SCAPER: variants seen among roughly 807,000 people sequenced by gnomAD.
SCAPER encodes S-phase cyclin A associated protein in the ER, also known as S phase cyclin A-associated protein in the endoplasmic reticulum.
In SCAPER, 98 loss-of-function variants were observed where a neutral mutation model predicts 182.2. The observed-to-expected ratio is 0.54, with a 90% confidence interval of 0.46 to 0.64. The LOEUF (loss-of-function observed/expected upper bound fraction) is 0.64, where lower values mean the gene tolerates loss of function less well. SCAPER is among the 30% of genes least tolerant of loss of function. The pLI is 0.00. For synonymous variants in SCAPER, 605 were observed against 564.6 expected, an observed-to-expected ratio of 1.07 and a Z score of -1.01; for missense variants, 1,432 against 1,690.0, an observed-to-expected ratio of 0.85 and a Z score of 2.68.
chr15:76,638,365 T>C (rs1272730994), intron 21 of SCAPER, among the ~76,000 whole-genome samples: 2 of 152,186 alleles, frequency 1.3e-5, no homozygotes, highest in Non-Finnish European at 1.5e-5. Context: ...TCCCCCTCAA[T>C]CTTATCAAAT....
chr15:76,548,395 G>A (rs193171046), intron 23 of SCAPER, among the ~76,000 whole-genome samples: 44 of 152,150 alleles, frequency 2.9e-4, no homozygotes, highest in Admixed American at 1.4e-3. Context: ...TGACATTTTC[G>A]GCGATTAGGA....
chr15:76,695,325 G>A (rs1375558628), intron 20 of SCAPER, among the ~76,000 whole-genome samples: 1 of 152,188 alleles, frequency 6.6e-6, no homozygotes, highest in Non-Finnish European at 1.5e-5. Flanking sequence ...GCCAGGCACA[G>A]TGGCTCATAC....
chr15:76,850,468 C>G (rs912867742), intron 4 of SCAPER, among the ~76,000 whole-genome samples: 1 of 152,166 alleles, frequency 6.6e-6, no homozygotes, highest in Admixed American at 6.5e-5. Context: ...AGAACCAATG[C>G]AAGAACTCCA....
chr15:76,504,992 C>T lies in SCAPER; in HGVS notation c.2839-18G>A, dbSNP rs755588619. On this transcript the variant is annotated intron_variant, in intron 23 of 31. Transcript: ENST00000563290. ...GCCACATTCTAGACAGAAATACAAACAGAAGTTAGCCCAATTTCCCAGGCA... is the reference window on the plus strand; with the variant it reads ...GCCACATTCTAGACAGAAATACAAATAGAAGTTAGCCCAATTTCCCAGGCA... The T allele has an allele frequency of 4.4e-6, 7 of 1,592,166 alleles. No homozygotes were observed. The highest frequency in any genetic ancestry group is 5.1e-6 in the Non-Finnish European group (6 of 1,165,302).
intron 24 of SCAPER, among the ~76,000 whole-genome samples, chr15:76,499,259 T>C (rs1212033642): frequency 1.3e-5 from 2 of 152,218 alleles, no homozygotes; most frequent in Admixed American, 6.5e-5. Flanking sequence ...GCTAAACTGA[T>C]GATGGAGGGT....
chr15:76,727,272 T>G (rs931371659), intron 17 of SCAPER, among the ~76,000 whole-genome samples: 2 of 152,062 alleles, frequency 1.3e-5, no homozygotes, highest in Non-Finnish European at 2.9e-5. Context: ...AGCAAGCTGA[T>G]TCTAAAACTA....
At chr15:76,712,705 G>A (rs1352600760) in intron 17 of SCAPER, among the ~76,000 whole-genome samples, 1 of 152,044 alleles carries the variant, frequency 6.6e-6, no homozygotes, top group Non-Finnish European at 1.5e-5. Flanking sequence ...AAGCAATTGT[G>A]AATGGGAGTT....
intron 24 of SCAPER, among the ~76,000 whole-genome samples, chr15:76,497,287 T>G (rs2040653148): frequency 6.6e-6 from 1 of 151,986 alleles, no homozygotes; most frequent in Admixed American, 6.6e-5. Context: ...AGAAAGAAAC[T>G]TGACTGAGCC....
At position 76,577,932 on chromosome 15, in the gene SCAPER, GA is replaced by G. The variant is rs1409767142; in HGVS notation, c.2712-3649del. Among the ~76,000 whole-genome samples, 11 of 152,130 alleles carry G rather than the reference GA, an allele frequency of 7.2e-5. No homozygotes were observed. In the East Asian group the frequency reaches 2.1e-3, roughly 29 times the overall value. On this transcript the variant is annotated intron_variant, in intron 22 of 31. Transcript: ENST00000563290. ...CCCTGATTCCAGGCCTTGGCTCTTG[GA>G]TGGTATTTCTGCACCTGAACTGGGC... is the stretch of plus-strand genomic sequence containing the variant.
At chr15:76,603,184 C>G (rs1391068912) in intron 22 of SCAPER, among the ~76,000 whole-genome samples, 2 of 119,116 alleles carry the variant, frequency 1.7e-5, no homozygotes, top group South Asian at 2.6e-4. Context: ...ATCCCTCCCC[C>G]TTCCTCCCAC....
At chr15:76,754,212 A>G (rs2062269643) in intron 14 of SCAPER, among the ~76,000 whole-genome samples, 1 of 152,054 alleles carries the variant, frequency 6.6e-6, no homozygotes, top group African/African-American at 2.4e-5. Context: ...TAAAAATAAC[A>G]TTACCTAACT....
chr15:76,632,111 C>T (rs535009290), intron 21 of SCAPER, among the ~76,000 whole-genome samples: 18 of 152,244 alleles, frequency 1.2e-4, no homozygotes, highest in Middle Eastern at 3.4e-3. Flanking sequence ...GTGACGTTCT[C>T]GTGTTGTGTT....
chr15:76,812,742 TAAG>T (rs1256666901), intron 5 of SCAPER, among the ~76,000 whole-genome samples: 1 of 151,896 alleles, frequency 6.6e-6, no homozygotes, highest in Non-Finnish European at 1.5e-5. Flanking sequence ...AAAGCTGAAT[TAAG>T]AAGAAACAGA....
chr15:76,786,234 G>A (rs1433056971), intron 8 of SCAPER, among the ~76,000 whole-genome samples: 1 of 150,644 alleles, frequency 6.6e-6, no homozygotes, highest in East Asian at 2.0e-4. Flanking sequence ...GGCTGAGGCA[G>A]GAGAATCACT....
At chr15:76,491,202 GTT>G (rs1425199014) in intron 24 of SCAPER, among the ~76,000 whole-genome samples, 3 of 152,230 alleles carry the variant, frequency 2.0e-5, no homozygotes, top group African/African-American at 7.2e-5. Context: ...GTACAATACT[GTT>G]TCAATTACTG....
intron 26 of SCAPER, among the ~76,000 whole-genome samples, chr15:76,424,212 G>A (rs1226284484): frequency 6.6e-6 from 1 of 152,132 alleles, no homozygotes; most frequent in Non-Finnish European, 1.5e-5. Flanking sequence ...AATGTTGATG[G>A]TGGGATGTTA....
rs1342486831 is a variant in SCAPER at position 76,504,997 on chromosome 15, G to A, written c.2839-23C>T. ...ATTCTAGACAGAAATACAAACAGAAGTTAGCCCAATTTCCCAGGCATTAAA... is the reference window on the plus strand; with the variant it reads ...ATTCTAGACAGAAATACAAACAGAAATTAGCCCAATTTCCCAGGCATTAAA... On this transcript the variant is annotated intron_variant, in intron 23 of 31. Transcript: ENST00000563290. The A allele has an allele frequency of 7.6e-6, 12 of 1,582,742 alleles. 1 individual carries two copies. Among genetic ancestry groups the A allele is most frequent in the Middle Eastern group, 1.7e-4 (1 of 6,024 alleles).
chr15:76,705,886 AT>A lies in SCAPER; in HGVS notation c.2247+16del. On this transcript the variant is annotated intron_variant, in intron 18 of 31. Transcript: ENST00000563290. The stretch of plus-strand genomic sequence containing the variant: ...TAAGCTCTAAAATTTCAAATTAAAA[AT>A]ATATAATATCCTTACCTTGAGCTGA... 6.6e-7 allele frequency: 1 copy of A among 1,512,056 alleles called. No homozygotes were observed. The highest frequency in any genetic ancestry group is 8.8e-7 in the Non-Finnish European group (1 of 1,131,766). 93.7% of individuals were successfully genotyped at this position (1,512,056 alleles called of 1,614,324 possible). A position where few individuals can be genotyped will look rare whatever the true frequency, so the allele number is the denominator to read the frequency against.
chr15:76,465,643 T>A (rs1336935803), intron 25 of SCAPER, among the ~76,000 whole-genome samples: 1 of 152,290 alleles, frequency 6.6e-6, no homozygotes, highest in East Asian at 1.9e-4. Flanking sequence ...TAAATCACAG[T>A]CAAGATCAAT....
Sources: gnomAD v4.1 joint callset for allele counts (sites outside exome capture counted in the v4.1 genomes callset) on GRCh38, gnomAD v4.1.1 for gene constraint, MANE v1.5 for transcripts, NCBI Gene and HGNC (gene_info 2026-07-23, HGNC 2026-07-21) for gene names.